AVEN: variants seen among roughly 807,000 people sequenced by gnomAD.
The protein encoded by AVEN is cell death regulator Aven.
A neutral mutation model predicts 38.1 loss-of-function variants in AVEN; 41 were observed. The ratio of observed to expected loss-of-function variants is 1.08; its 90% CI spans 0.84 to 1.40. The LOEUF (loss-of-function observed/expected upper bound fraction) is 1.40. Among genes scored for constraint, AVEN ranks in the 40% most tolerant of loss-of-function variants. The pLI, the probability that AVEN is intolerant of heterozygous loss-of-function variation, is 0.00. For missense variants in AVEN, 605 were observed against 438.8 expected, an observed-to-expected ratio of 1.38 and a Z score of -3.38; for synonymous variants, 206 against 171.8, an observed-to-expected ratio of 1.20 and a Z score of -1.56.
chr15:33,982,464 T>G (rs1474115444), intron 2 of AVEN, among the ~76,000 whole-genome samples: 1 of 152,204 alleles, frequency 6.6e-6, no homozygotes, highest in Non-Finnish European at 1.5e-5. Flanking sequence ...TACTAAAATA[T>G]TTTCTGGAGC....
the AVEN span, chr15:33,852,795 C>G: frequency 2.5e-6 from 1 of 402,856 alleles, no homozygotes; most frequent in African/African-American, 2.1e-5. Context: ...GGCTCCAAAT[C>G]ATAATTCTGA....
downstream of AVEN, among the ~76,000 whole-genome samples, chr15:33,857,290 T>C (rs953076423): frequency 3.9e-5 from 6 of 151,964 alleles, no homozygotes; most frequent in African/African-American, 4.8e-5. Flanking sequence ...TCTGTGGCTG[T>C]AGACAGCACC....
intron 11 of AVEN, chr15:33,859,510 C>G (rs2080108963): frequency 1.9e-6 from 3 of 1,569,392 alleles, no homozygotes; most frequent in Non-Finnish European, 1.8e-6. Flanking sequence ...TATGAATGAT[C>G]TGAGCATCTT....
chr15:33,978,189 C>T (rs1427844472), intron 2 of AVEN, among the ~76,000 whole-genome samples: 2 of 152,198 alleles, frequency 1.3e-5, no homozygotes, highest in Admixed American at 6.5e-5. Context: ...CTAGGCAGAA[C>T]CAATGCAGAC....
intron 2 of AVEN, among the ~76,000 whole-genome samples, chr15:33,996,998 T>C (rs1896963158): frequency 6.6e-6 from 1 of 152,190 alleles, no homozygotes; most frequent in Non-Finnish European, 1.5e-5. Context: ...ATAAACAGCG[T>C]AGAGAAGACC....
intron 11 of AVEN, chr15:33,859,496 A>T: frequency 6.5e-7 from 1 of 1,531,226 alleles, no homozygotes; most frequent in Admixed American, 1.7e-5. Context: ...ATCTGACCGA[A>T]TCATATGAAT....
chr15:34,006,432 A>G (rs1196144736), intron 1 of AVEN, among the ~76,000 whole-genome samples: 2 of 152,252 alleles, frequency 1.3e-5, no homozygotes, highest in Admixed American at 6.5e-5. Flanking sequence ...TTGGGTGAAC[A>G]GAGTTCAGAG....
intron 2 of AVEN, among the ~76,000 whole-genome samples, chr15:33,961,628 A>G (rs1033391934): frequency 5.3e-5 from 8 of 151,532 alleles, no homozygotes; most frequent in East Asian, 3.9e-4. Context: ...TCTGGCTAAC[A>G]CGGTGAAACC....
intron 1 of AVEN, among the ~76,000 whole-genome samples, chr15:34,010,422 T>G (rs1290125768): frequency 6.6e-6 from 1 of 152,160 alleles, no homozygotes; most frequent in Non-Finnish European, 1.5e-5. Flanking sequence ...CAGAAGTTAT[T>G]AATACTAATA....
At chr15:33,919,234 A>G (rs1410783505) in intron 2 of AVEN, among the ~76,000 whole-genome samples, 3 of 152,152 alleles carry the variant, frequency 2.0e-5, no homozygotes, top group Non-Finnish European at 4.4e-5. Flanking sequence ...ATCCATACTA[A>G]TATCTTGCTA....
At chr15:34,023,293 T>C (rs777460727) in intron 1 of AVEN, among the ~76,000 whole-genome samples, 11 of 152,162 alleles carry the variant, frequency 7.2e-5, no homozygotes, top group Non-Finnish European at 1.5e-4. Context: ...CTTTTCTGAG[T>C]CCTCAGGTAA....
downstream of AVEN, chr15:33,858,072 CAAACAGGAGAG>C: frequency 1.0e-6 from 1 of 959,784 alleles, no homozygotes; most frequent in Non-Finnish European, 1.5e-6. Context: ...ATGTCTTCTC[CAAACAGGAGAG>C]TGTCCTGGGA....
chr15:33,854,259 C>G, downstream of AVEN: 1 of 695,934 alleles, frequency 1.4e-6, no homozygotes, highest in South Asian at 1.8e-5. Context: ...GGAGCACATA[C>G]AACTTGATAA....
chr15:33,998,147 C>T (rs1203854090), intron 2 of AVEN, among the ~76,000 whole-genome samples: 3 of 152,138 alleles, frequency 2.0e-5, no homozygotes, highest in Non-Finnish European at 2.9e-5. Flanking sequence ...CCTCCAATTA[C>T]AGTTGGAAAA....
At chr15:33,940,233 G>A (rs977217712) in intron 2 of AVEN, among the ~76,000 whole-genome samples, 4 of 152,214 alleles carry the variant, frequency 2.6e-5, no homozygotes, top group African/African-American at 9.7e-5. Context: ...GACTGAACAA[G>A]TAATGTAAGT....
At chr15:33,856,391 C>G (rs1245766509), downstream of AVEN, 1 of 152,216 alleles carries the variant, frequency 6.6e-6, no homozygotes, top group Non-Finnish European at 1.5e-5. Flanking sequence ...AATGCCTAGT[C>G]CTTGAGAGAG....
intron 1 of AVEN, among the ~76,000 whole-genome samples, chr15:34,028,785 G>T (rs74007663): frequency 6.6e-6 from 1 of 152,034 alleles, no homozygotes; most frequent in East Asian, 1.9e-4. Context: ...TAGCACATGG[G>T]GGGTGAGAAG....
At chr15:33,909,641 A>G (rs1407808366) in intron 2 of AVEN, among the ~76,000 whole-genome samples, 2 of 152,232 alleles carry the variant, frequency 1.3e-5, no homozygotes, top group Non-Finnish European at 2.9e-5. Context: ...TAAAGGTGTC[A>G]GCTCCATTCC....
At chr15:34,043,758 C>T (rs192883814), upstream of AVEN, among the ~76,000 whole-genome samples, 146 of 152,336 alleles carry the variant, frequency 9.6e-4, no homozygotes, top group African/African-American at 3.3e-3. Flanking sequence ...CTCCTCTCTC[C>T]TTCCACCCTC....
Sources: gnomAD v4.1 joint callset for allele counts (sites outside exome capture counted in the v4.1 genomes callset) on GRCh38, gnomAD v4.1.1 for gene constraint, MANE v1.5 for transcripts, NCBI Gene and HGNC (gene_info 2026-07-23, HGNC 2026-07-21) for gene names.